Variants in APBA1 observed in about 807,000 individuals in gnomAD.
APBA1 encodes amyloid beta precursor protein binding family A member 1.
APBA1 carries 55 observed loss-of-function variants against 86.6 expected under a neutral mutation model. That is an observed-to-expected ratio of 0.64 (90% CI 0.51 to 0.80). APBA1 has a LOEUF of 0.80. APBA1 is among the 30% of genes least tolerant of loss of function. The pLI, the probability that APBA1 is intolerant of heterozygous loss-of-function variation, is 0.00. For missense variants in APBA1, 1,090 were observed against 1,183.0 expected (o/e 0.92, Z 1.15); for synonymous variants, 511 against 493.9 (o/e 1.03, Z -0.46).
chr9:69,653,333 G>A (rs896214713), intron 1 of APBA1, among the ~76,000 whole-genome samples: 3 of 152,122 alleles, frequency 2.0e-5, no homozygotes, highest in Admixed American at 6.5e-5. Flanking sequence ...GACCTAAAGG[G>A]AGAGGTTGAC....
chr9:69,551,190 T>G (rs190527691), intron 1 of APBA1, among the ~76,000 whole-genome samples: 12 of 152,334 alleles, frequency 7.9e-5, no homozygotes, highest in Admixed American at 7.8e-4. Flanking sequence ...GCTGCTTTGT[T>G]AACACTGCTA....
chr9:69,450,823 CAA>C (rs925796696), intron 9 of APBA1, among the ~76,000 whole-genome samples: 19 of 141,036 alleles, frequency 1.3e-4, no homozygotes, highest in African/African-American at 4.7e-4. Flanking sequence ...TCATGGGTAT[CAA>C]AAAAAAAAAG....
intron 10 of APBA1, among the ~76,000 whole-genome samples, chr9:69,448,278 T>A (rs1834945415): frequency 6.6e-6 from 1 of 152,266 alleles, no homozygotes; most frequent in African/African-American, 2.4e-5. Context: ...TCTCTAATTA[T>A]CCTGCACATG....
chr9:69,431,428 G>T, intron 12 of APBA1, 30 bp from the exon 13 acceptor site: 1 of 1,601,178 alleles, frequency 6.2e-7, no homozygotes, highest in South Asian at 1.1e-5. Flanking sequence ...TTTAGTGGGG[G>T]GCTGAGGCTG....
chr9:69,600,806 T>TAAATAAATA (rs556966097), intron 1 of APBA1, among the ~76,000 whole-genome samples: 32 of 143,732 alleles, frequency 2.2e-4, no homozygotes, highest in African/African-American at 7.2e-4. Context: ...CAAAAAATAA[T>TAAATAAATA]AATAAATAAA....
chr9:69,657,096 C>G (rs1018267554), intron 1 of APBA1, among the ~76,000 whole-genome samples: 2 of 152,176 alleles, frequency 1.3e-5, no homozygotes, highest in African/African-American at 4.8e-5. Flanking sequence ...CCACCCGCCT[C>G]GGCCTCCCAA....
At position 69,429,480 on chromosome 9, in the gene APBA1, T is replaced by A. The variant is rs1834551302; in HGVS notation, c.*1847A>T. On this transcript the variant is annotated 3_prime_UTR_variant, in exon 13 of 13. Transcript: ENST00000265381. ...CTCTCTGCAGCAGCAGAAGTCCCTT[T>A]CCCCCCAGGGCACCTGGGCAGCCAG... 1.3e-5 allele frequency: 2 copies of A among 152,114 alleles called. No homozygotes were observed. Among genetic ancestry groups the A allele is most frequent in the African/African-American group, 2.4e-5 (1 of 41,394 alleles). The allele number at this position is 152,114 out of a possible 1,614,324, so 9.4% of individuals were successfully genotyped here. A position where few individuals can be genotyped will look rare whatever the true frequency, so the allele number is the denominator to read the frequency against.
At chr9:69,632,729 A>C (rs969383415) in intron 1 of APBA1, among the ~76,000 whole-genome samples, 1 of 152,160 alleles carries the variant, frequency 6.6e-6, no homozygotes, top group Non-Finnish European at 1.5e-5. Context: ...ACTTGTTCAT[A>C]CTTATCATTT....
intron 1 of APBA1, among the ~76,000 whole-genome samples, chr9:69,619,978 C>G (rs1822783084): frequency 6.6e-6 from 1 of 152,184 alleles, no homozygotes; most frequent in African/African-American, 2.4e-5. Flanking sequence ...CCTGAAATCT[C>G]TAGAACATGA....
At chr9:69,589,958 T>C (rs1192070644) in intron 1 of APBA1, among the ~76,000 whole-genome samples, 2 of 152,154 alleles carry the variant, frequency 1.3e-5, no homozygotes, top group Non-Finnish European at 2.9e-5. Context: ...CTTGGTTTGG[T>C]AGTGGAAGCA....
Position 69,488,433 on chromosome 9 carries a change from T to A in APBA1, c.1201-12290A>T, listed in dbSNP as rs550824090. 6.6e-5 allele frequency among the ~76,000 whole-genome samples: 10 copies of A among 152,256 alleles called. No individual in the cohort carries two copies. The East Asian group carries it at 1.9e-3, about 29-fold the overall frequency. On this transcript the variant is annotated intron_variant, in intron 2 of 12. Coordinates refer to ENST00000265381, the MANE Select transcript of APBA1 (RefSeq NM_001163.4). The stretch of plus-strand genomic sequence containing the variant: ...GGAACTACAACCTAGATGTTGATAG[T>A]CAAAGAGTAAACTAAGGTTATATTT...
intron 1 of APBA1, among the ~76,000 whole-genome samples, chr9:69,580,149 G>A (rs1344256124): frequency 1.3e-5 from 2 of 152,156 alleles, no homozygotes; most frequent in Non-Finnish European, 2.9e-5. Context: ...TTAAATACCT[G>A]GATGGCCCAC....
chr9:69,491,173 C>G (rs572508536), intron 2 of APBA1, among the ~76,000 whole-genome samples: 3 of 152,132 alleles, frequency 2.0e-5, no homozygotes, highest in African/African-American at 7.2e-5. Flanking sequence ...TATTGTGGCA[C>G]TATTCACAAT....
At chr9:69,583,385 T>C (rs10125769) in intron 1 of APBA1, among the ~76,000 whole-genome samples, 271 of 152,254 alleles carry the variant, frequency 1.8e-3, no homozygotes, top group African/African-American at 6.2e-3. Flanking sequence ...GCCTTCCCTA[T>C]TGAGGTTAAT....
chr9:69,432,944 G>A (rs1234079482), intron 11 of APBA1, among the ~76,000 whole-genome samples: 1 of 152,184 alleles, frequency 6.6e-6, no homozygotes, highest in African/African-American at 2.4e-5. Context: ...CATCCCAGCT[G>A]GGGCTGGGTA....
rs1834553527 is a variant in APBA1 at position 69,429,617 on chromosome 9, C to A, written c.*1710G>T. 1 of 152,154 alleles carries A rather than the reference C, an allele frequency of 6.6e-6. No homozygotes were observed. Among genetic ancestry groups the A allele is most frequent in the Non-Finnish European group, 1.5e-5 (1 of 68,036 alleles). 9.4% of individuals were successfully genotyped at this position (152,154 alleles called of 1,614,324 possible). On this transcript the variant is annotated 3_prime_UTR_variant, in exon 13 of 13. Transcript: ENST00000265381. ...TTCTAAGCAGAAAACTCAGAAGATG[C>A]AGAGATCTCGGGGAATTGATCACAG...
At chr9:69,622,495 G>A (rs1227074956) in intron 1 of APBA1, among the ~76,000 whole-genome samples, 1 of 151,906 alleles carries the variant, frequency 6.6e-6, no homozygotes, top group African/African-American at 2.4e-5. Flanking sequence ...AGTAACAAGA[G>A]CATCTAAGGC....
intron 1 of APBA1, among the ~76,000 whole-genome samples, chr9:69,576,937 A>T (rs981744993): frequency 3.3e-5 from 5 of 152,034 alleles, no homozygotes; most frequent in African/African-American, 4.8e-5. Context: ...TAATTTTCAA[A>T]TTTTTTTATT....
intron 2 of APBA1, among the ~76,000 whole-genome samples, chr9:69,513,237 C>A (rs1384678244): frequency 6.6e-6 from 1 of 152,232 alleles, no homozygotes; most frequent in Non-Finnish European, 1.5e-5. Flanking sequence ...TTGAATGAAA[C>A]AGCATGCAAG....
Sources: allele counts gnomAD v4.1 joint callset (sites outside exome capture counted in the v4.1 genomes callset), GRCh38; gene constraint gnomAD v4.1.1; transcripts MANE v1.5; gene names NCBI Gene and HGNC (gene_info 2026-07-23, HGNC 2026-07-21).